Variants in ITGB3BP observed in about 807,000 individuals in gnomAD.
ITGB3BP encodes integrin subunit beta 3 binding protein.
A neutral mutation model predicts 29.1 loss-of-function variants in ITGB3BP; 27 were observed. The observed-to-expected ratio is 0.93, with a 90% CI of 0.68 to 1.28. ITGB3BP has a LOEUF of 1.28. Among genes scored for constraint, ITGB3BP ranks in the 50% most tolerant of loss-of-function variants. The probability of loss-of-function intolerance (pLI) is 0.00; values close to 1 mark genes in which losing one functional copy is unlikely to be tolerated. For missense variants in ITGB3BP, 192 were observed against 200.2 expected, an observed-to-expected ratio of 0.96 and a Z score of 0.25; for synonymous variants, 61 against 61.4, an observed-to-expected ratio of 0.99 and a Z score of 0.03.
At chr1:63,463,255 A>AAG (rs1645047264) in intron 4 of ITGB3BP, among the ~76,000 whole-genome samples, 1 of 149,682 alleles carries the variant, frequency 6.7e-6, no homozygotes, top group East Asian at 1.9e-4. Context: ...GTCTCAAAAA[A>AAG]AAAAAAAAAA....
rs144204036 is a variant in ITGB3BP at position 63,483,054 on chromosome 1, A to C, written c.185-4221T>G. On this transcript the variant is annotated intron_variant, in intron 3 of 8. Coordinates refer to ENST00000271002, the MANE Select transcript of ITGB3BP (RefSeq NM_014288.5). ...AATATTACTTACATTATTGAATAGA[A>C]GGTTATCGCTGAGAAAATTGAAATC... Among the ~76,000 whole-genome samples the C allele has an allele frequency of 4.4e-3, 670 of 152,312 alleles. 5 individuals carry two copies. The highest frequency in any genetic ancestry group is 0.015 in the African/African-American group (616 of 41,574).
chr1:63,520,184 GAATGAA>G, intron 1 of ITGB3BP, among the ~76,000 whole-genome samples: 1 of 152,024 alleles, frequency 6.6e-6, no homozygotes, highest in African/African-American at 2.4e-5. Flanking sequence ...TGTCTACATA[GAATGAA>G]ATCTTTCCAA....
At chr1:63,484,553 T>G (rs900287257) in intron 3 of ITGB3BP, among the ~76,000 whole-genome samples, 1 of 152,178 alleles carries the variant, frequency 6.6e-6, no homozygotes, top group Non-Finnish European at 1.5e-5. Flanking sequence ...TTAAAATTTT[T>G]GGAGGGCTGC....
intron 1 of ITGB3BP, among the ~76,000 whole-genome samples, chr1:63,515,541 T>C (rs1225028511): frequency 6.6e-6 from 1 of 152,052 alleles, no homozygotes; most frequent in African/African-American, 2.4e-5. Context: ...AGAACTACCA[T>C]TCAACGCCAG....
chr1:63,442,965 C>T (rs1644747917), intron 8 of ITGB3BP: 1 of 152,234 alleles, frequency 6.6e-6, no homozygotes, highest in Non-Finnish European at 1.5e-5. Context: ...GGTCTTAGCA[C>T]TCTGGCTGTG....
chr1:63,443,757 A>C (rs936479913), intron 8 of ITGB3BP, among the ~76,000 whole-genome samples: 1 of 152,136 alleles, frequency 6.6e-6, no homozygotes, highest in African/African-American at 2.4e-5. Flanking sequence ...CTCAGAAGTA[A>C]TATAATCTGG....
At chr1:63,527,800 T>G (rs1046465840), upstream of ITGB3BP, 3 of 152,224 alleles carry the variant, frequency 2.0e-5, no homozygotes, top group African/African-American at 7.2e-5. Context: ...AGTACATTTT[T>G]TAAAACAATA....
chr1:63,483,719 A>C (rs918134520), intron 3 of ITGB3BP, among the ~76,000 whole-genome samples: 1 of 152,188 alleles, frequency 6.6e-6, no homozygotes, highest in Non-Finnish European at 1.5e-5. Context: ...GGTCAGTGAC[A>C]AACCACATAT....
At chr1:63,504,497 CT>C (rs1646023358) in intron 2 of ITGB3BP, among the ~76,000 whole-genome samples, 1 of 152,066 alleles carries the variant, frequency 6.6e-6, no homozygotes, top group African/African-American at 2.4e-5. Context: ...ACTGAATACC[CT>C]TTATTTCCTT....
At position 63,454,773 on chromosome 1, in the gene ITGB3BP, G is replaced by A. The variant is rs555906249; in HGVS notation, c.333+117C>T. The A allele has an allele frequency of 2.1e-5, 10 of 486,342 alleles. No individual in the cohort carries two copies. The highest frequency in any genetic ancestry group is 1.1e-3 in the Middle Eastern group (2 of 1,826). 30.1% of individuals were successfully genotyped at this position (486,342 alleles called of 1,614,324 possible). On this transcript the variant is annotated intron_variant, in intron 5 of 8. Coordinates refer to ENST00000271002, the MANE Select transcript of ITGB3BP (RefSeq NM_014288.5). This position sits in a 1 kb window ranked among gnomAD's most constrained non-coding sequence, Gnocchi z 4.1. ...CTCCTATTAAAAAAAAAATTCCCAT[G>A]AAAAGTAAATTAAACATACTCTATG...
intron 7 of ITGB3BP, among the ~76,000 whole-genome samples, chr1:63,451,203 A>G (rs1407974703): frequency 6.6e-6 from 1 of 151,568 alleles, no homozygotes; most frequent in African/African-American, 2.4e-5. Flanking sequence ...AGACCAAAAA[A>G]CAAACAAACA....
chr1:63,480,913 A>T (rs1184283175), intron 3 of ITGB3BP, among the ~76,000 whole-genome samples: 1 of 152,112 alleles, frequency 6.6e-6, no homozygotes, highest in Non-Finnish European at 1.5e-5. Flanking sequence ...TCTCTAAAAA[A>T]AAGCTGAAAA....
intron 1 of ITGB3BP, among the ~76,000 whole-genome samples, chr1:63,515,297 T>C (rs1278092616): frequency 6.6e-6 from 1 of 152,178 alleles, no homozygotes; most frequent in Non-Finnish European, 1.5e-5. Flanking sequence ...TTTGGTACCT[T>C]TGTGGGTCTA....
intron 2 of ITGB3BP, among the ~76,000 whole-genome samples, chr1:63,503,826 T>C (rs915645943): frequency 2.6e-5 from 4 of 152,196 alleles, no homozygotes; most frequent in Non-Finnish European, 5.9e-5. Flanking sequence ...TGGTTGTAGA[T>C]ATGCAGCATT....
chr1:63,473,570 G>T (rs1380423778), intron 4 of ITGB3BP, among the ~76,000 whole-genome samples: 28 of 120,548 alleles, frequency 2.3e-4, no homozygotes, highest in African/African-American at 6.4e-4. Flanking sequence ...GGAGGGGGGA[G>T]GGGGGGTCAG....
At chr1:63,474,564 T>C (rs2100605433) in intron 4 of ITGB3BP, among the ~76,000 whole-genome samples, 1 of 150,686 alleles carries the variant, frequency 6.6e-6, no homozygotes, top group African/African-American at 2.4e-5. Flanking sequence ...AAAATTCTTC[T>C]GCCTTGGGAT....
At chr1:63,469,420 G>A (rs1047009949) in intron 4 of ITGB3BP, among the ~76,000 whole-genome samples, 7 of 151,650 alleles carry the variant, frequency 4.6e-5, no homozygotes, top group Middle Eastern at 3.4e-3. Context: ...TCTGCCTCCC[G>A]GGTTCAAGCA....
Position 63,523,126 on chromosome 1 carries a change from T to TA in ITGB3BP, c.5+2dup, listed in dbSNP as rs1557663518. 1 of 1,614,184 alleles carries TA rather than the reference T, an allele frequency of 6.2e-7. No homozygotes were observed. Among genetic ancestry groups the TA allele is most frequent in the Non-Finnish European group, 8.5e-7 (1 of 1,180,012 alleles). ...CAGCAATACCTGGGGAGGAGATACC[T>TA]ACGGCATTCTGAGATTCGGGAAAGC... On this transcript the variant is annotated splice_region_variant and intron_variant, in intron 1 of 8. Coordinates refer to ENST00000271002, the MANE Select transcript of ITGB3BP (RefSeq NM_014288.5).
intron 3 of ITGB3BP, among the ~76,000 whole-genome samples, chr1:63,481,391 T>C (rs965544902): frequency 6.6e-6 from 1 of 152,168 alleles, no homozygotes; most frequent in Non-Finnish European, 1.5e-5. Context: ...ACATATTGAG[T>C]AGTAAATGTA....
Sources: gnomAD v4.1 joint callset for allele counts (sites outside exome capture counted in the v4.1 genomes callset) on GRCh38, gnomAD v4.1.1 for gene constraint, Gnocchi (gnomAD v3.1) non-coding constraint, MANE v1.5 for transcripts, NCBI Gene and HGNC (gene_info 2026-07-23, HGNC 2026-07-21) for gene names.